The following CDC42SE2 variants were observed in gnomAD, a reference collection of about 807,000 sequenced individuals.
CDC42SE2 encodes CDC42 small effector protein 2.
In CDC42SE2, 3 loss-of-function variants were observed where a neutral mutation model predicts 11.5. The observed-to-expected ratio is 0.26, with a 90% CI of 0.12 to 0.67. The LOEUF is 0.67. Ranked by LOEUF, CDC42SE2 falls within the 30% of genes least tolerant of loss-of-function variation. CDC42SE2 has a pLI of 0.80. For missense variants in CDC42SE2, 82 were observed against 106.8 expected (o/e 0.77, Z 1.02); for synonymous variants, 33 against 34.8 (o/e 0.95, Z 0.18).
chr5:131,266,043 A>G (rs1756850886), intron 1 of CDC42SE2, among the ~76,000 whole-genome samples: 1 of 152,190 alleles, frequency 6.6e-6, no homozygotes, highest in Non-Finnish European at 1.5e-5. Context: ...ATAAATGCAT[A>G]TAAACTTGAT....
intron 1 of CDC42SE2, among the ~76,000 whole-genome samples, chr5:131,313,531 G>A (rs921038728): frequency 6.6e-6 from 1 of 152,004 alleles, no homozygotes; most frequent in Non-Finnish European, 1.5e-5. Context: ...TTTGGCATGC[G>A]GTATGAATAT....
At chr5:131,236,311 C>T in the CDC42SE2 span, among the ~76,000 whole-genome samples, 1 of 152,002 alleles carries the variant, frequency 6.6e-6, no homozygotes, top group African/African-American at 2.4e-5. Context: ...AATAAATATT[C>T]TTCCATATTT....
chr5:131,325,688 T>A (rs1438364688), intron 2 of CDC42SE2, among the ~76,000 whole-genome samples: 2 of 152,206 alleles, frequency 1.3e-5, no homozygotes, highest in Non-Finnish European at 1.5e-5. Flanking sequence ...CCAAGGAAAC[T>A]GAGGTCCCAT....
intron 4 of CDC42SE2, among the ~76,000 whole-genome samples, chr5:131,389,090 ACT>A (rs1491200511): frequency 2.0e-5 from 3 of 151,808 alleles, no homozygotes; most frequent in African/African-American, 7.3e-5. Flanking sequence ...CCTACTTCGA[ACT>A]CCCATAGTGT....
intron 2 of CDC42SE2, among the ~76,000 whole-genome samples, chr5:131,317,802 C>G (rs1421385651): frequency 6.6e-6 from 1 of 151,710 alleles, no homozygotes; most frequent in African/African-American, 2.4e-5. Context: ...ATGATTTTAC[C>G]AGGTAATCTG....
upstream of CDC42SE2, among the ~76,000 whole-genome samples, chr5:131,260,045 A>G (rs183111805): frequency 7.5e-4 from 115 of 152,358 alleles, no homozygotes; most frequent in South Asian, 6.4e-3. Flanking sequence ...TGCTTGTGTA[A>G]TGATAATAAC....
At chr5:131,216,501 C>CAAAAA in the CDC42SE2 span, among the ~76,000 whole-genome samples, 6 of 42,164 alleles carry the variant, frequency 1.4e-4, no homozygotes, top group African/African-American at 4.1e-4. Context: ...GAACCTGTCT[C>CAAAAA]AAAAAAAAAA....
At chr5:131,380,686 T>C (rs1396145149) in intron 3 of CDC42SE2, among the ~76,000 whole-genome samples, 1 of 152,234 alleles carries the variant, frequency 6.6e-6, no homozygotes, top group Admixed American at 6.5e-5. Flanking sequence ...CTTCTTTTTC[T>C]GTACCTCTTT....
intron 1 of CDC42SE2, among the ~76,000 whole-genome samples, chr5:131,280,880 T>C (rs1757224599): frequency 6.6e-6 from 1 of 152,208 alleles, no homozygotes; most frequent in South Asian, 2.1e-4. Context: ...TGTGTGAGAA[T>C]GAGGAGTGAA....
At chr5:131,272,311 G>C (rs1160090804) in intron 1 of CDC42SE2, among the ~76,000 whole-genome samples, 1 of 151,920 alleles carries the variant, frequency 6.6e-6, no homozygotes, top group Non-Finnish European at 1.5e-5. Context: ...GTGAGCCACT[G>C]CACCTGGCCT....
At chr5:131,387,132 T>C (rs1750510591) in intron 4 of CDC42SE2, among the ~76,000 whole-genome samples, 1 of 152,238 alleles carries the variant, frequency 6.6e-6, no homozygotes, top group Non-Finnish European at 1.5e-5. Flanking sequence ...GAGGCCCTAT[T>C]ACTTTTATTA....
At chr5:131,329,901 A>G (rs1758382885) in intron 2 of CDC42SE2, among the ~76,000 whole-genome samples, 6 of 51,156 alleles carry the variant, frequency 1.2e-4, no homozygotes, top group African/African-American at 8.8e-4. Context: ...AAAAAAAAAA[A>G]AAAAAAAAAA....
At chr5:131,326,830 GTCTTGA>G (rs1391187922) in intron 2 of CDC42SE2, among the ~76,000 whole-genome samples, 25 of 151,916 alleles carry the variant, frequency 1.6e-4, no homozygotes, top group Admixed American at 1.6e-3. Flanking sequence ...GGCTAGGCTG[GTCTTGA>G]ACTCCTGGAC....
chr5:131,318,747 A>T (rs1339042929), intron 2 of CDC42SE2, among the ~76,000 whole-genome samples: 2 of 152,188 alleles, frequency 1.3e-5, no homozygotes, highest in Non-Finnish European at 2.9e-5. Context: ...TTTGTCTTAC[A>T]TTTTTGTGAA....
rs1249534492 is a variant in CDC42SE2 at position 131,394,600 on chromosome 5, G to A, written c.*3509G>A. On this transcript the variant is annotated 3_prime_UTR_variant, in exon 5 of 5. Coordinates refer to ENST00000505065, the MANE Select transcript of CDC42SE2 (RefSeq NM_001375635.1). ...TTGTGTTCATTCTTGAATAAAATGA[G>A]TTCTGTGTTGGCTTGTAGATACTAA... The A allele has an allele frequency of 6.6e-6, 1 of 152,248 alleles. No individual in the cohort carries two copies. The highest frequency in any genetic ancestry group is 2.4e-5 in the African/African-American group (1 of 41,420). The allele number at this position is 152,248 out of a possible 1,614,324, so 9.4% of individuals were successfully genotyped here.
intron 1 of CDC42SE2, among the ~76,000 whole-genome samples, chr5:131,312,768 C>T (rs967716493): frequency 1.1e-4 from 17 of 152,262 alleles, no homozygotes; most frequent in Admixed American, 4.6e-4. Flanking sequence ...TTGCACTTCC[C>T]GAGTGAGGCA....
chr5:131,294,389 T>C (rs868122785), intron 1 of CDC42SE2, among the ~76,000 whole-genome samples: 87 of 152,198 alleles, frequency 5.7e-4, no homozygotes, highest in African/African-American at 2.1e-3. Flanking sequence ...TTGTCCCTTT[T>C]CTGGGATCAA....
chr5:131,252,573 T>A (rs1270873104), intron 1 of CDC42SE2, among the ~76,000 whole-genome samples: 1 of 152,192 alleles, frequency 6.6e-6, no homozygotes, highest in Non-Finnish European at 1.5e-5. Flanking sequence ...GGGGAATTGC[T>A]TGAACCAGGG....
chr5:131,363,587 G>A (rs1185608460), intron 3 of CDC42SE2, among the ~76,000 whole-genome samples: 1 of 151,974 alleles, frequency 6.6e-6, no homozygotes, highest in Non-Finnish European at 1.5e-5. Context: ...ATGTTAGCCA[G>A]GCTGGTCTCG....
Sources: gnomAD v4.1 joint callset for allele counts (sites outside exome capture counted in the v4.1 genomes callset) on GRCh38, gnomAD v4.1.1 for gene constraint, MANE v1.5 for transcripts, NCBI Gene and HGNC (gene_info 2026-07-23, HGNC 2026-07-21) for gene names.